Variants in LRP1B observed in about 807,000 individuals in gnomAD.
The protein encoded by LRP1B is low-density lipoprotein receptor-related protein 1B.
Under a neutral mutation model 556.6 loss-of-function variants are expected in LRP1B, and 217 were observed. The observed-to-expected ratio is 0.39, with a 90% CI of 0.35 to 0.44. The LOEUF (loss-of-function observed/expected upper bound fraction) is 0.44. Among genes scored for constraint, LRP1B ranks in the 20% least tolerant of loss-of-function variants. The probability of loss-of-function intolerance (pLI) is 1.00; values close to 1 mark genes in which losing one functional copy is unlikely to be tolerated. For synonymous variants in LRP1B, 2,047 were observed against 1,865.8 expected, an observed-to-expected ratio of 1.10 and a Z score of -2.50; for missense variants, 5,053 against 5,620.8, an observed-to-expected ratio of 0.90 and a Z score of 3.23.
chr2:141,180,101 A>C (rs1680925768), intron 7 of LRP1B, among the ~76,000 whole-genome samples: 1 of 151,846 alleles, frequency 6.6e-6, no homozygotes, highest in African/African-American at 2.4e-5. Flanking sequence ...TATTTAACTC[A>C]GAATTTTGAA....
chr2:140,975,589 T>A (rs1207391548), intron 18 of LRP1B, among the ~76,000 whole-genome samples: 2 of 152,118 alleles, frequency 1.3e-5, no homozygotes, highest in East Asian at 3.9e-4. Flanking sequence ...TGTTTCAAAA[T>A]GGGTTGGAAC....
At chr2:141,153,151 A>G (rs1701966617) in intron 7 of LRP1B, among the ~76,000 whole-genome samples, 1 of 145,700 alleles carries the variant, frequency 6.9e-6, no homozygotes, top group Non-Finnish European at 1.5e-5. Context: ...AACTTATACT[A>G]CCAAACATTT....
chr2:140,430,970 G>A (rs1685909641), intron 66 of LRP1B, among the ~76,000 whole-genome samples: 1 of 152,114 alleles, frequency 6.6e-6, no homozygotes, highest in Admixed American at 6.5e-5. Flanking sequence ...TCTTAGTCTA[G>A]GTAGACACTT....
At chr2:141,728,220 A>G (rs146413282) in intron 2 of LRP1B, among the ~76,000 whole-genome samples, 2 of 152,260 alleles carry the variant, frequency 1.3e-5, no homozygotes, top group East Asian at 3.9e-4. Context: ...CTCTCTGCAT[A>G]GTATTCTGTT....
rs141431510 is a variant in LRP1B, at chr2:141,439,811, T to A, written c.343+40585A>T. On this transcript the variant is annotated intron_variant, in intron 3 of 90. Coordinates refer to ENST00000389484, the MANE Select transcript of LRP1B (RefSeq NM_018557.3). ...AAATAATCCACATAGTAATTAAAGA[T>A]GTTTTTTTAAAAAGAAAGTCTGAGT... is the stretch of plus-strand genomic sequence containing the variant. 5.9e-3 allele frequency among the ~76,000 whole-genome samples: 900 copies of A among 152,260 alleles called. 9 individuals are homozygous for A. Among genetic ancestry groups the A allele is most frequent in the African/African-American group, 0.02 (837 of 41,548 alleles).
At chr2:140,885,349 C>T (rs115101714) in intron 24 of LRP1B, among the ~76,000 whole-genome samples, 2,746 of 150,294 alleles carry the variant, frequency 0.018, 81 homozygotes, top group African/African-American at 0.063. Flanking sequence ...TTTATGTCAA[C>T]GGCTTCCTTT....
At chr2:140,682,245 G>A (rs75546979) in intron 41 of LRP1B, among the ~76,000 whole-genome samples, 7,341 of 152,202 alleles carry the variant, frequency 0.048, 273 homozygotes, top group Middle Eastern at 0.099. Flanking sequence ...ACTTTACTAT[G>A]TGTGCTGTAT....
At chr2:140,641,308 A>T (rs1248361295) in intron 41 of LRP1B, among the ~76,000 whole-genome samples, 1 of 152,214 alleles carries the variant, frequency 6.6e-6, no homozygotes, top group Non-Finnish European at 1.5e-5. Context: ...AGCAATGAGT[A>T]AGGGTTCTTA....
chr2:140,544,209 A>AG (rs368239565), intron 43 of LRP1B, among the ~76,000 whole-genome samples: 21 of 51,558 alleles, frequency 4.1e-4, no homozygotes, highest in Non-Finnish European at 5.1e-4. Flanking sequence ...TTTTGAGTTC[A>AG]GGGCATATGT....
chr2:140,922,820 A>C (rs1337252142), intron 21 of LRP1B, 145 bp downstream of exon 21: 1 of 574,292 alleles, frequency 1.7e-6, no homozygotes, highest in Non-Finnish European at 3.0e-6. Context: ...TTCTCCCTAA[A>C]TGTTAACTAC....
chr2:141,785,143 C>T (rs1018681058), intron 2 of LRP1B, among the ~76,000 whole-genome samples: 1 of 151,966 alleles, frequency 6.6e-6, no homozygotes, highest in African/African-American at 2.4e-5. Context: ...TGACACATAT[C>T]ACTTCTGGCT....
At chr2:140,703,046 A>G (rs1236704228) in intron 37 of LRP1B, among the ~76,000 whole-genome samples, 2 of 152,124 alleles carry the variant, frequency 1.3e-5, no homozygotes, top group Non-Finnish European at 2.9e-5. Flanking sequence ...ATTTTCATTC[A>G]CTATTACTCC....
intron 35 of LRP1B, among the ~76,000 whole-genome samples, chr2:140,736,725 A>C (rs1687958375): frequency 6.6e-6 from 1 of 152,186 alleles, no homozygotes; most frequent in Admixed American, 6.5e-5. Context: ...AAAGACTTAA[A>C]TGTTAGACCT....
intron 64 of LRP1B, 36 bp downstream of exon 64, chr2:140,444,527 G>T (rs757894001): frequency 6.2e-7 from 1 of 1,611,190 alleles, no homozygotes; most frequent in Non-Finnish European, 8.5e-7. Flanking sequence ...TTGAAAATTA[G>T]ACTTATGTTC....
intron 43 of LRP1B, among the ~76,000 whole-genome samples, chr2:140,588,105 T>A (rs1574111563): frequency 6.6e-6 from 1 of 152,060 alleles, no homozygotes; most frequent in African/African-American, 2.4e-5. Flanking sequence ...AATAGGGAAG[T>A]AAGCAATTAA....
chr2:141,914,755 C>A (rs1235229473), intron 1 of LRP1B, among the ~76,000 whole-genome samples: 4 of 152,012 alleles, frequency 2.6e-5, no homozygotes, highest in African/African-American at 9.7e-5. Context: ...CATTCTCCCC[C>A]ATCTCCCACC....
chr2:140,627,891 GA>G (rs144403981), intron 41 of LRP1B, among the ~76,000 whole-genome samples: 13,093 of 152,112 alleles, frequency 0.086, 839 homozygotes, highest in African/African-American at 0.17. Context: ...AGGATAGAAC[GA>G]AAAAAACTTT....
chr2:141,484,295 G>T, intron 2 of LRP1B, among the ~76,000 whole-genome samples: 1 of 149,058 alleles, frequency 6.7e-6, no homozygotes, highest in Non-Finnish European at 1.5e-5. Flanking sequence ...TTATTTCTGA[G>T]GGCTCTGTTC....
At chr2:141,239,253 T>G (rs1241400975) in intron 5 of LRP1B, among the ~76,000 whole-genome samples, 3 of 152,092 alleles carry the variant, frequency 2.0e-5, no homozygotes, top group African/African-American at 7.2e-5. Flanking sequence ...TTAAGACCGA[T>G]AGTCAACTAA....
Sources: allele counts gnomAD v4.1 joint callset (sites outside exome capture counted in the v4.1 genomes callset), GRCh38; gene constraint gnomAD v4.1.1; transcripts MANE v1.5; gene names NCBI Gene and HGNC (gene_info 2026-07-23, HGNC 2026-07-21).